Variants in PCDHA9 observed in about 807,000 individuals in gnomAD.
PCDHA9 encodes the protein protocadherin alpha-9.
In PCDHA9, 62 loss-of-function variants were observed where a neutral mutation model predicts 62.0. That is an observed-to-expected ratio of 1.00 (90% CI 0.81 to 1.23). The LOEUF is 1.23. Among genes scored for constraint, PCDHA9 ranks in the 50% most tolerant of loss-of-function variants. The pLI, the probability that PCDHA9 is intolerant of heterozygous loss-of-function variation, is 0.00. For missense variants in PCDHA9, 1,205 were observed against 1,249.8 expected, an observed-to-expected ratio of 0.96 and a Z score of 0.54; for synonymous variants, 557 against 567.6, an observed-to-expected ratio of 0.98 and a Z score of 0.27.
At chr5:140,869,765 A>G in intron 1 of PCDHA9, 1 of 1,613,282 alleles carries the variant, frequency 6.2e-7, no homozygotes, top group Non-Finnish European at 8.5e-7. Context: ...GGAAAACCAG[A>G]GCTTACTGGC....
At position 140,856,560 on chromosome 5, in the gene PCDHA9, T is replaced by G. The variant is rs782375648; in HGVS notation, c.2394+5671T>G. 94 of 1,597,798 alleles carry G rather than the reference T, an allele frequency of 5.9e-5. 1 individual carries two copies. ...GAGAACGCATTGCTTACTTACAAAC[T>G]CAGTCCAAATGAGTATTTTGTTCTT... On this transcript the variant is annotated intron_variant, in intron 1 of 3. Transcript: ENST00000532602.
intron 1 of PCDHA9, among the ~76,000 whole-genome samples, chr5:140,937,096 G>T (rs1173485186): frequency 4.1e-5 from 6 of 146,810 alleles, no homozygotes; most frequent in African/African-American, 1.5e-4. Context: ...GGAGTGCAGT[G>T]GCGCAGTCTC....
intron 1 of PCDHA9, among the ~76,000 whole-genome samples, chr5:140,909,950 C>T (rs940175754): frequency 1.3e-5 from 2 of 152,168 alleles, no homozygotes; most frequent in African/African-American, 4.8e-5. Flanking sequence ...GGTAAAAAGC[C>T]GTAGGTCTCC....
At chr5:140,945,768 T>C (rs1212479192) in intron 1 of PCDHA9, among the ~76,000 whole-genome samples, 3 of 152,062 alleles carry the variant, frequency 2.0e-5, no homozygotes, top group African/African-American at 7.2e-5. Flanking sequence ...GTGGGACAAT[T>C]TGATATCCAG....
chr5:140,877,917 T>G (rs2057395668), intron 1 of PCDHA9: 2 of 1,427,712 alleles, frequency 1.4e-6, no homozygotes, highest in Admixed American at 2.9e-5. Context: ...TTCTCTCATT[T>G]TTCTTTATGA....
chr5:140,883,835 T>C (rs782244088), intron 1 of PCDHA9: 10 of 1,612,448 alleles, frequency 6.2e-6, no homozygotes, highest in East Asian at 4.5e-5. Flanking sequence ...GCTGCAGCCG[T>C]TGGACCACGA....
intron 1 of PCDHA9, chr5:140,927,237 G>A (rs1554204217): frequency 1.2e-6 from 2 of 1,614,110 alleles, no homozygotes; most frequent in Admixed American, 1.7e-5. Flanking sequence ...TTCACGTCCT[G>A]GACACCAATG....
rs1554146072 is a variant in PCDHA9 at position 140,852,730 on chromosome 5, T to G, written c.2394+1841T>G. On this transcript the variant is annotated intron_variant, in intron 1 of 3. Coordinates refer to ENST00000532602, the MANE Select transcript of PCDHA9 (RefSeq NM_031857.2). ...TTTGTCTTTGCACGTTTTTCAAGTT[T>G]CATGTGCCATTTAAACTTGGACCCA... 29 of 983,856 alleles carry G rather than the reference T, an allele frequency of 2.9e-5. 3 individuals carry two copies. The highest frequency in any genetic ancestry group is 3.6e-5 in the Non-Finnish European group (29 of 816,252). The allele number at this position is 983,856 out of a possible 1,614,324, so 60.9% of individuals were successfully genotyped here.
At chr5:140,870,070 G>A in intron 1 of PCDHA9, 2 of 1,613,880 alleles carry the variant, frequency 1.2e-6, no homozygotes, top group Non-Finnish European at 1.7e-6. Context: ...ACAGGCTACA[G>A]ATAAGGGGAC....
At chr5:140,872,580 T>C (rs1554166256) in intron 1 of PCDHA9, among the ~76,000 whole-genome samples, 1 of 152,172 alleles carries the variant, frequency 6.6e-6, no homozygotes, top group Middle Eastern at 3.2e-3. Flanking sequence ...TGACCTATCA[T>C]CGTGAGACCC....
chr5:140,944,136 G>A (rs536816208), intron 1 of PCDHA9, among the ~76,000 whole-genome samples: 3 of 152,136 alleles, frequency 2.0e-5, no homozygotes, highest in African/African-American at 7.2e-5. Context: ...AAAGGTTGAA[G>A]ATTAGAAGAG....
At chr5:140,854,577 T>A (rs1402971625) in intron 1 of PCDHA9, 1 of 149,930 alleles carries the variant, frequency 6.7e-6, no homozygotes, top group African/African-American at 2.4e-5. Context: ...TCATTCAGAT[T>A]TTAATAAAAA....
At chr5:140,879,960 C>T (rs781917048) in intron 1 of PCDHA9, among the ~76,000 whole-genome samples, 3 of 152,168 alleles carry the variant, frequency 2.0e-5, no homozygotes, top group Non-Finnish European at 4.4e-5. Flanking sequence ...TCTGGATAAT[C>T]CAGGATAAAC....
chr5:140,856,036 A>G (rs1554148102), intron 1 of PCDHA9: 5 of 1,567,408 alleles, frequency 3.2e-6, no homozygotes, highest in Non-Finnish European at 4.3e-6. Flanking sequence ...TTGTAAAACA[A>G]GAGAAGGATA....
intron 1 of PCDHA9, among the ~76,000 whole-genome samples, chr5:140,888,287 C>G (rs1371852276): frequency 6.6e-6 from 1 of 152,072 alleles, no homozygotes; most frequent in African/African-American, 2.4e-5. Flanking sequence ...CCCCTCTACC[C>G]CCTACCCAGG....
chr5:140,968,114 A>G, intron 1 of PCDHA9: 1 of 1,614,164 alleles, frequency 6.2e-7, no homozygotes, highest in Non-Finnish European at 8.5e-7. Context: ...ACCGCAGCTC[A>G]CATCCCTGCG....
At chr5:140,902,677 G>A (rs1457054226) in intron 1 of PCDHA9, among the ~76,000 whole-genome samples, 6 of 151,960 alleles carry the variant, frequency 3.9e-5, no homozygotes, top group Non-Finnish European at 5.9e-5. Flanking sequence ...AGTGTACACC[G>A]TACCTAATAT....
At chr5:140,907,100 C>T (rs1447787481) in intron 1 of PCDHA9, among the ~76,000 whole-genome samples, 2 of 152,098 alleles carry the variant, frequency 1.3e-5, no homozygotes, top group African/African-American at 4.8e-5. Flanking sequence ...GTGCCACTTC[C>T]ACTTCCACCC....
chr5:140,955,452 G>A (rs921510611), intron 1 of PCDHA9, among the ~76,000 whole-genome samples: 1 of 152,024 alleles, frequency 6.6e-6, no homozygotes, highest in African/African-American at 2.4e-5. Flanking sequence ...TTTTATAAGG[G>A]CTTTTTCCTT....
Sources: allele counts gnomAD v4.1 joint callset (sites outside exome capture counted in the v4.1 genomes callset), GRCh38; gene constraint gnomAD v4.1.1; transcripts MANE v1.5; gene names NCBI Gene and HGNC (gene_info 2026-07-23, HGNC 2026-07-21).